Variants in KANK1 observed in about 807,000 individuals in gnomAD.
The protein encoded by KANK1 is KN motif and ankyrin repeat domains 1.
KANK1 carries 109 observed loss-of-function variants against 106.2 expected under a neutral mutation model. That is an observed-to-expected ratio of 1.03 (90% CI 0.88 to 1.20). The LOEUF (loss-of-function observed/expected upper bound fraction) is 1.20, where lower values mean the gene tolerates loss of function less well. Among genes scored for constraint, KANK1 ranks in the 50% most tolerant of loss-of-function variants. The pLI, the probability that KANK1 is intolerant of heterozygous loss-of-function variation, is 0.00. For missense variants in KANK1, 2,399 were observed against 1,710.7 expected (o/e 1.40, Z -7.10); for synonymous variants, 873 against 652.2 (o/e 1.34, Z -5.16).
rs1832558558 is a variant in KANK1, at chr9:732,428, C to G, written c.3056C>G (p.Ser1019Cys). 1.7e-5 allele frequency: 27 copies of G among 1,614,110 alleles called. No homozygotes were observed. Among genetic ancestry groups the G allele is most frequent in the Non-Finnish European group, 2.3e-5 (27 of 1,179,994 alleles). Reference protein sequence around the residue: ...DDSSSDESSSSESDDECDVIE... With the variant: ...DDSSSDESSSCESDDECDVIE... ...TCCAGCTCAGATGAAAGCTCTTCTT[C>G]CGAGTCAGATGACGAGTGTGATGTC... is the stretch of plus-strand genomic sequence containing the variant. Residue 1019 changes from serine to cysteine, a missense_variant, in exon 6 of 12, where the codon TCC (serine) becomes TGC (cysteine). By Grantham distance (112) the Ser-to-Cys change is moderately radical (BLOSUM62 -1). Transcript: ENST00000382297.
chr9:732,159 G>A (rs1015231423), intron 5 of KANK1: 3 of 466,776 alleles, frequency 6.4e-6, no homozygotes, highest in Non-Finnish European at 1.2e-5. Context: ...AGTGTTACAT[G>A]ATACCAATTG....
chr9:618,487 C>T (rs1027616113), intron 1 of KANK1, among the ~76,000 whole-genome samples: 1 of 152,072 alleles, frequency 6.6e-6, no homozygotes, highest in African/African-American at 2.4e-5. Context: ...AGATTACAGT[C>T]GTGAGCTACC....
intron 1 of KANK1, among the ~76,000 whole-genome samples, chr9:575,597 G>C (rs1234593016): frequency 6.6e-6 from 1 of 152,074 alleles, no homozygotes; most frequent in South Asian, 2.1e-4. Context: ...CTTGAGCCTG[G>C]GAGGTTGAGG....
At chr9:604,346 A>G (rs1828545494) in intron 1 of KANK1, among the ~76,000 whole-genome samples, 1 of 151,464 alleles carries the variant, frequency 6.6e-6, no homozygotes. Context: ...TGAGGGAGGG[A>G]CCTGATGGGA....
At chr9:615,545 A>G (rs902051809) in intron 1 of KANK1, among the ~76,000 whole-genome samples, 4 of 152,298 alleles carry the variant, frequency 2.6e-5, no homozygotes, top group African/African-American at 9.6e-5. Context: ...AAGGCTACTC[A>G]AGGGCTGGAA....
At chr9:666,229 C>A (rs967849310) in intron 1 of KANK1, among the ~76,000 whole-genome samples, 2 of 151,344 alleles carry the variant, frequency 1.3e-5, no homozygotes, top group Middle Eastern at 3.4e-3. Flanking sequence ...TGTGTAGATA[C>A]AATAAATTAG....
At chr9:709,509 C>T (rs1392148947) in intron 2 of KANK1, among the ~76,000 whole-genome samples, 1 of 152,048 alleles carries the variant, frequency 6.6e-6, no homozygotes, top group Non-Finnish European at 1.5e-5. Flanking sequence ...TTGTGTGCCT[C>T]AGATAACACT....
chr9:638,285 G>A (rs1837606717), intron 1 of KANK1, among the ~76,000 whole-genome samples: 1 of 152,176 alleles, frequency 6.6e-6, no homozygotes, highest in Non-Finnish European at 1.5e-5. Flanking sequence ...AGATCAGGGG[G>A]ACATGTGGTA....
intron 1 of KANK1, among the ~76,000 whole-genome samples, chr9:603,064 C>T (rs1265176401): frequency 6.6e-6 from 1 of 151,820 alleles, no homozygotes; most frequent in Non-Finnish European, 1.5e-5. Context: ...CTGTTTCTTA[C>T]ATATGGGGAA....
intron 1 of KANK1, among the ~76,000 whole-genome samples, chr9:518,083 C>A (rs1190911995): frequency 6.6e-6 from 1 of 151,590 alleles, no homozygotes; most frequent in Non-Finnish European, 1.5e-5. Flanking sequence ...GATAAAGTAG[C>A]CTTAGTACTG....
intron 9 of KANK1, among the ~76,000 whole-genome samples, chr9:741,406 C>G (rs1429062778): frequency 1.3e-5 from 2 of 151,436 alleles, no homozygotes; most frequent in African/African-American, 4.9e-5. Flanking sequence ...TGCAACCACC[C>G]CCGGCTCCCT....
intron 1 of KANK1, among the ~76,000 whole-genome samples, chr9:654,814 T>A (rs11795236): frequency 1.0e-3 from 81 of 80,530 alleles, no homozygotes; most frequent in Non-Finnish European, 2.9e-3. Flanking sequence ...TGTGTGTGTG[T>A]GAGAGAGAGA....
At chr9:594,575 T>C (rs1268498491) in intron 1 of KANK1, among the ~76,000 whole-genome samples, 1 of 151,836 alleles carries the variant, frequency 6.6e-6, no homozygotes, top group African/African-American at 2.4e-5. Context: ...TACTCTAAAG[T>C]CTTAAATAGT....
At chr9:655,911 T>C (rs1181060561) in intron 1 of KANK1, among the ~76,000 whole-genome samples, 1 of 152,236 alleles carries the variant, frequency 6.6e-6, no homozygotes, top group Non-Finnish European at 1.5e-5. Context: ...GTAACAGGCC[T>C]TTCCCCTTTG....
At chr9:504,457 C>G (rs1358459544), upstream of KANK1, among the ~76,000 whole-genome samples, 2 of 151,634 alleles carry the variant, frequency 1.3e-5, no homozygotes, top group Admixed American at 6.6e-5. Context: ...GTACAAAGAG[C>G]GCCCCCGCGG....
At chr9:546,436 G>A (rs779402071) in intron 1 of KANK1, among the ~76,000 whole-genome samples, 1 of 152,016 alleles carries the variant, frequency 6.6e-6, no homozygotes, top group Non-Finnish European at 1.5e-5. Flanking sequence ...AGAAACGCTG[G>A]TGTCTGTGAC....
At chr9:481,366 G>C (rs2058200367) in intron 3 of KANK1, among the ~76,000 whole-genome samples, 1 of 152,162 alleles carries the variant, frequency 6.6e-6, no homozygotes, top group Admixed American at 6.5e-5. Context: ...GTGGCCTATG[G>C]ATCAAGAGGA....
At chr9:591,573 G>C (rs770115736) in intron 1 of KANK1, among the ~76,000 whole-genome samples, 1 of 151,802 alleles carries the variant, frequency 6.6e-6, no homozygotes, top group Non-Finnish European at 1.5e-5. Flanking sequence ...CCTCCTTCCT[G>C]TCCCTGAAAT....
chr9:623,315 T>C (rs556682845), intron 1 of KANK1, among the ~76,000 whole-genome samples: 9 of 152,090 alleles, frequency 5.9e-5, no homozygotes, highest in African/African-American at 1.9e-4. Context: ...GCTTGCCAGG[T>C]ACGGTGGCTC....
Sources: allele counts gnomAD v4.1 joint callset (sites outside exome capture counted in the v4.1 genomes callset), GRCh38; gene constraint gnomAD v4.1.1; transcripts MANE v1.5; gene names NCBI Gene and HGNC (gene_info 2026-07-23, HGNC 2026-07-21).